ADAMTSL3: variants seen among roughly 807,000 people sequenced by gnomAD.
ADAMTSL3 encodes ADAMTS-like protein 3.
ADAMTSL3 carries 128 observed loss-of-function variants against 201.7 expected under a neutral mutation model. The observed-to-expected ratio is 0.63, with a 90% CI of 0.55 to 0.73. The LOEUF is 0.73. Ranked by LOEUF, ADAMTSL3 falls within the 30% of genes least tolerant of loss-of-function variation. The pLI, the probability that ADAMTSL3 is intolerant of heterozygous loss-of-function variation, is 0.00. For missense variants in ADAMTSL3, 1,990 were observed against 2,119.6 expected (o/e 0.94, Z 1.20); for synonymous variants, 738 against 748.4 (o/e 0.99, Z 0.23).
intron 17 of ADAMTSL3, among the ~76,000 whole-genome samples, chr15:83,925,195 A>G (rs985199311): frequency 1.3e-5 from 2 of 152,034 alleles, no homozygotes; most frequent in Admixed American, 6.6e-5. Context: ...GGAGATGGGC[A>G]CCCCTTCCTT....
In ADAMTSL3 at chr15:83,733,575, T is replaced by A. The variant is rs2062318361; in HGVS notation, c.189+29067T>A. Among the ~76,000 whole-genome samples the A allele has an allele frequency of 3.3e-5, 5 of 152,136 alleles. No homozygotes were observed. In the South Asian group the frequency reaches 1.0e-3, roughly 31 times the overall value. On this transcript the variant is annotated intron_variant, in intron 3 of 29. Transcript: ENST00000286744. ...TAACTCACCAGAGAAAGTTTGTGGG[T>A]CTAGAGGTTTGGAAAACAACTCGCT...
In ADAMTSL3 at chr15:83,982,273, A is replaced by T. The variant is rs773064999; in HGVS notation, c.2645A>T (p.Lys882Ile). Residue 882 changes from lysine (K) to isoleucine (I), a missense_variant and splice_region_variant, in exon 21 of 30, where the codon AAA (lysine) becomes ATA (isoleucine). Physicochemically the swap from Lys to Ile is moderately radical, Grantham distance 102 (BLOSUM62 -3). Coordinates refer to ENST00000286744, the MANE Select transcript of ADAMTSL3 (RefSeq NM_207517.3). ...TTCTTTCTTTTTTTTTTTCTTGGAG[A>T]AATCAAATCAGAGATGAAGACAAAA... ...VRSCQMPECSKIKSEMKTKLG... is the reference protein window; with the variant it reads ...VRSCQMPECSIIKSEMKTKLG... 16 of 1,554,768 alleles carry T rather than the reference A, an allele frequency of 1.0e-5. No homozygotes were observed. Among genetic ancestry groups the T allele is most frequent in the Non-Finnish European group, 1.4e-5 (16 of 1,152,274 alleles).
rs117475538 is a variant in ADAMTSL3 at position 83,672,350 on chromosome 15, G to A, written c.69+16520G>A. ...GCTTGCTGGTGCTCCAGGGGGTCTG[G>A]AAGATAGGACTCAAAGTGTGTTTGG... On this transcript the variant is annotated intron_variant, in intron 2 of 29. Coordinates refer to ENST00000286744, the MANE Select transcript of ADAMTSL3 (RefSeq NM_207517.3). 2.9e-3 allele frequency among the ~76,000 whole-genome samples: 449 copies of A among 152,314 alleles called. 2 individuals carry two copies. Among genetic ancestry groups the A allele is most frequent in the Non-Finnish European group, 5.2e-3 (352 of 68,032 alleles).
At position 83,884,338 on chromosome 15, in the gene ADAMTSL3, C is replaced by CCTTTTTTTTTTTTTTTTTTTTTT. The variant is rs1305026027; in HGVS notation, c.961-763_961-762insCTTTTTTTTTTTTTTTTTTTTTT. Reference sequence around the variant, plus strand: ...TGTTACCTCATTGGTGCCCTATTTCCTTTTTTTTTTTTTTTTTTTTTTGAG... The same window carrying CCTTTTTTTTTTTTTTTTTTTTTT: ...TGTTACCTCATTGGTGCCCTATTTCCCTTTTTTTTTTTTTTTTTTTTTTTTTTTTTTTTTTTTTTTTTTTTGAG... On this transcript the variant is annotated intron_variant, in intron 9 of 29. Coordinates refer to ENST00000286744, the MANE Select transcript of ADAMTSL3 (RefSeq NM_207517.3). Among the ~76,000 whole-genome samples the CCTTTTTTTTTTTTTTTTTTTTTT allele has an allele frequency of 2.6e-5, 3 of 114,486 alleles. 1 individual carries two copies. The highest frequency in any genetic ancestry group is 6.9e-5 in the African/African-American group (2 of 28,892). 75.1% of individuals were successfully genotyped at this position (114,486 alleles called of 152,430 possible).
chr15:83,902,539 G>A (rs759338970), intron 15 of ADAMTSL3, among the ~76,000 whole-genome samples: 9 of 152,148 alleles, frequency 5.9e-5, no homozygotes, highest in Non-Finnish European at 1.2e-4. Flanking sequence ...CAAAGTGCTG[G>A]GATTACAGGT....
intron 17 of ADAMTSL3, among the ~76,000 whole-genome samples, chr15:83,938,656 A>G (rs2066502363): frequency 6.6e-6 from 1 of 152,198 alleles, no homozygotes; most frequent in Non-Finnish European, 1.5e-5. Context: ...CCTAATTTCA[A>G]TGATCCCATC....
At chr15:83,660,619 T>C (rs1287213313) in intron 2 of ADAMTSL3, among the ~76,000 whole-genome samples, 1 of 152,204 alleles carries the variant, frequency 6.6e-6, no homozygotes, top group Non-Finnish European at 1.5e-5. Flanking sequence ...CAATCACTGG[T>C]CCAGCCATGC....
Position 84,011,729 on chromosome 15 carries a change from A to G in ADAMTSL3, c.3974-2813A>G, listed in dbSNP as rs146039448. Among the ~76,000 whole-genome samples, 9 of 152,354 alleles carry G rather than the reference A, an allele frequency of 5.9e-5. No homozygotes were observed. The East Asian group carries it at 1.5e-3, about 26-fold the overall frequency. On this transcript the variant is annotated intron_variant, in intron 23 of 29. Coordinates refer to ENST00000286744, the MANE Select transcript of ADAMTSL3 (RefSeq NM_207517.3). ...AAATCAATTAGAAAAACTATTCAAA[A>G]TAATAAAGTTCAGTAAGATGACTAG...
At position 83,780,101 on chromosome 15, in the gene ADAMTSL3, A is replaced by T. The variant is rs181121223; in HGVS notation, c.317+6451A>T. ...GAGCTGAACTGAAGGAGATTGAGAG[A>T]CAAAAAAACCATTCGAAAGATCAAT... On this transcript the variant is annotated intron_variant, in intron 4 of 29. Transcript: ENST00000286744. Among the ~76,000 whole-genome samples the T allele has an allele frequency of 7.7e-4, 118 of 152,284 alleles. No individual in the cohort carries two copies. The Middle Eastern group carries it at 0.01, about 13-fold the overall frequency.
intron 20 of ADAMTSL3, among the ~76,000 whole-genome samples, chr15:83,974,107 T>C (rs902943481): frequency 2.6e-5 from 4 of 152,172 alleles, no homozygotes; most frequent in African/African-American, 4.8e-5. Context: ...ATTCTTTCTG[T>C]CCCCATAGCT....
intron 4 of ADAMTSL3, 21 bp downstream of exon 4, chr15:83,773,671 C>A (rs954391301): frequency 6.2e-7 from 1 of 1,601,040 alleles, no homozygotes; most frequent in South Asian, 1.1e-5. Context: ...GCTTCACTTG[C>A]TCCTGCATGT....
intron 23 of ADAMTSL3, among the ~76,000 whole-genome samples, chr15:83,998,549 G>A (rs1285024211): frequency 6.6e-6 from 1 of 152,202 alleles, no homozygotes; most frequent in Admixed American, 6.5e-5. Context: ...TTACGTAAAA[G>A]CTAATGTTGA....
intron 5 of ADAMTSL3, among the ~76,000 whole-genome samples, chr15:83,817,347 C>T (rs1189067073): frequency 6.6e-6 from 1 of 152,198 alleles, no homozygotes; most frequent in Non-Finnish European, 1.5e-5. Flanking sequence ...TTAAACCATT[C>T]ATCTAAATAA....
chr15:83,868,609 T>C (rs936991359), intron 8 of ADAMTSL3, among the ~76,000 whole-genome samples: 15 of 152,144 alleles, frequency 9.9e-5, no homozygotes, highest in Admixed American at 2.0e-4. Context: ...ATTTACACAA[T>C]TGAGGTCAAA....
chr15:83,786,693 G>C (rs1175791186), intron 4 of ADAMTSL3, among the ~76,000 whole-genome samples: 4 of 152,020 alleles, frequency 2.6e-5, no homozygotes, highest in Non-Finnish European at 5.9e-5. Context: ...GTCTTATCCT[G>C]TATTTTTTTG....
At chr15:83,976,169 G>A (rs1478507967) in intron 20 of ADAMTSL3, among the ~76,000 whole-genome samples, 5 of 152,108 alleles carry the variant, frequency 3.3e-5, no homozygotes, top group Non-Finnish European at 4.4e-5. Flanking sequence ...GTGGGGAGAG[G>A]TAGCTATCAT....
intron 26 of ADAMTSL3, among the ~76,000 whole-genome samples, chr15:84,023,092 A>G (rs1158437409): frequency 6.6e-6 from 1 of 152,192 alleles, no homozygotes; most frequent in Non-Finnish European, 1.5e-5. Context: ...CGTAAATTCT[A>G]TGGGGAGTAA....
chr15:83,997,231 A>G (rs1384517654), intron 23 of ADAMTSL3, among the ~76,000 whole-genome samples: 1 of 152,178 alleles, frequency 6.6e-6, no homozygotes, highest in Non-Finnish European at 1.5e-5. Context: ...CTCCTGGGAG[A>G]CAAAAGAAGA....
Position 83,846,637 on chromosome 15 carries a change from T to G in ADAMTSL3, c.727+8422T>G, listed in dbSNP as rs560343373. Among the ~76,000 whole-genome samples, 60 of 152,332 alleles carry G rather than the reference T, an allele frequency of 3.9e-4. No individual in the cohort carries two copies. In the East Asian group the frequency reaches 7.7e-3, roughly 20 times the overall value. On this transcript the variant is annotated intron_variant, in intron 7 of 29. Coordinates refer to ENST00000286744, the MANE Select transcript of ADAMTSL3 (RefSeq NM_207517.3). ...GAGCACTTGGGGAACTTGTCCCATGTTCTAATCCTCAGGCCCCACCCTAGA... is the reference window on the plus strand; with the variant it reads ...GAGCACTTGGGGAACTTGTCCCATGGTCTAATCCTCAGGCCCCACCCTAGA...
Sources: gnomAD v4.1 joint callset for allele counts (sites outside exome capture counted in the v4.1 genomes callset) on GRCh38, gnomAD v4.1.1 for gene constraint, MANE v1.5 for transcripts, NCBI Gene and HGNC (gene_info 2026-07-23, HGNC 2026-07-21) for gene names.